The following TAFA4 variants were observed in gnomAD, a reference collection of about 807,000 sequenced individuals.
TAFA4 encodes the protein chemokine-like protein TAFA-4.
In TAFA4, 20 loss-of-function variants were observed where a neutral mutation model predicts 21.1. The ratio of observed to expected loss-of-function variants is 0.95; its 90% CI spans 0.67 to 1.38. The LOEUF is 1.38. Among genes scored for constraint, TAFA4 ranks in the 40% most tolerant of loss-of-function variants. The probability of loss-of-function intolerance (pLI) is 0.00; values close to 1 mark genes in which losing one functional copy is unlikely to be tolerated. For missense variants in TAFA4, 211 were observed against 180.9 expected (o/e 1.17, Z -0.95); for synonymous variants, 71 against 67.4 (o/e 1.05, Z -0.26).
intron 3 of TAFA4, among the ~76,000 whole-genome samples, chr3:68,805,937 C>G (rs1238104976): frequency 2.6e-5 from 4 of 151,674 alleles, no homozygotes; most frequent in African/African-American, 7.3e-5. Context: ...CACATGTACC[C>G]TAAAACTTAA....
chr3:68,737,294 C>G (rs1702261001), intron 5 of TAFA4, among the ~76,000 whole-genome samples: 1 of 152,032 alleles, frequency 6.6e-6, no homozygotes, highest in African/African-American at 2.4e-5. Context: ...GGGAAATTAT[C>G]TTAAGGCAGG....
At chr3:68,866,651 T>TAAAAAAAAAAAAAAAAAAAAAAA (rs59878536) in intron 3 of TAFA4, among the ~76,000 whole-genome samples, 1 of 12,396 alleles carries the variant, frequency 8.1e-5, no homozygotes, top group African/African-American at 4.4e-4. Flanking sequence ...ATAGCAGTTC[T>TAAAAAAAAAAAAAAAAAAAAAAA]AAAAAAAAAA....
At chr3:68,804,750 G>A (rs372543947) in intron 3 of TAFA4, among the ~76,000 whole-genome samples, 7 of 152,232 alleles carry the variant, frequency 4.6e-5, no homozygotes, top group Middle Eastern at 3.4e-3. Context: ...GGCTAGCCAT[G>A]TGTAGAAAGC....
chr3:68,840,378 T>G (rs930313692), intron 3 of TAFA4, among the ~76,000 whole-genome samples: 2 of 151,898 alleles, frequency 1.3e-5, no homozygotes, highest in Non-Finnish European at 2.9e-5. Context: ...CCAACTAATT[T>G]TTGTATTTGT....
chr3:68,866,482 A>G (rs1286962553), intron 3 of TAFA4, among the ~76,000 whole-genome samples: 1 of 151,954 alleles, frequency 6.6e-6, no homozygotes, highest in Non-Finnish European at 1.5e-5. Context: ...GCAAAGACAG[A>G]AATAAATAAT....
At chr3:68,794,473 C>T (rs1703419677) in intron 3 of TAFA4, among the ~76,000 whole-genome samples, 1 of 152,194 alleles carries the variant, frequency 6.6e-6, no homozygotes, top group African/African-American at 2.4e-5. Flanking sequence ...AGGGACAGCT[C>T]TAGCCTTCAG....
chr3:68,902,262 C>CAACT (rs990633875), intron 1 of TAFA4, among the ~76,000 whole-genome samples: 4 of 152,032 alleles, frequency 2.6e-5, no homozygotes, highest in African/African-American at 9.7e-5. Context: ...AACCATCGGG[C>CAACT]AACTCTGTCT....
intron 3 of TAFA4, among the ~76,000 whole-genome samples, chr3:68,797,725 C>A (rs1301278925): frequency 6.6e-6 from 1 of 151,128 alleles, no homozygotes; most frequent in Non-Finnish European, 1.5e-5. Flanking sequence ...AAATACCATA[C>A]GAGGTACCTA....
At chr3:68,784,625 A>G (rs1261192547) in intron 3 of TAFA4, among the ~76,000 whole-genome samples, 1 of 152,202 alleles carries the variant, frequency 6.6e-6, no homozygotes, top group Non-Finnish European at 1.5e-5. Flanking sequence ...GTGTGGACCC[A>G]AAGAGTGAGC....
chr3:68,812,429 C>A (rs983729559), intron 3 of TAFA4, among the ~76,000 whole-genome samples: 1 of 152,030 alleles, frequency 6.6e-6, no homozygotes, highest in Non-Finnish European at 1.5e-5. Context: ...TCAGGAAATC[C>A]ATCTCACACA....
intron 3 of TAFA4, among the ~76,000 whole-genome samples, chr3:68,789,697 T>A (rs540353579): frequency 4.9e-5 from 4 of 82,112 alleles, no homozygotes; most frequent in Admixed American, 2.3e-4. Context: ...GCAAAAAAAA[T>A]TTTCTGATTC....
intron 3 of TAFA4, among the ~76,000 whole-genome samples, chr3:68,768,658 T>C (rs539045080): frequency 3.3e-5 from 5 of 152,276 alleles, no homozygotes; most frequent in African/African-American, 9.6e-5. Flanking sequence ...TTTACTGCAA[T>C]AGCATGAAGA....
intron 1 of TAFA4, among the ~76,000 whole-genome samples, chr3:68,898,700 C>G (rs1055378723): frequency 2.6e-5 from 4 of 152,122 alleles, no homozygotes; most frequent in Non-Finnish European, 4.4e-5. Context: ...AAATATCGGA[C>G]CAATCAAGCA....
intron 1 of TAFA4, among the ~76,000 whole-genome samples, chr3:68,897,943 T>A (rs533142021): frequency 6.6e-6 from 1 of 152,144 alleles, no homozygotes; most frequent in African/African-American, 2.4e-5. Flanking sequence ...ACAGATCACA[T>A]TGGGATTCAT....
At chr3:68,836,847 A>T (rs1307614354) in intron 3 of TAFA4, among the ~76,000 whole-genome samples, 1 of 152,214 alleles carries the variant, frequency 6.6e-6, no homozygotes, top group Non-Finnish European at 1.5e-5. Flanking sequence ...TTGCTCCCAG[A>T]TCTTTAGTTT....
chr3:68,793,289 C>T (rs1031843036), intron 3 of TAFA4, among the ~76,000 whole-genome samples: 1 of 152,104 alleles, frequency 6.6e-6, no homozygotes. Context: ...TTAAATTCCA[C>T]CAAGCAGACT....
chr3:68,882,253 A>G (rs1396952323), intron 2 of TAFA4, among the ~76,000 whole-genome samples: 11 of 152,152 alleles, frequency 7.2e-5, no homozygotes, highest in Admixed American at 7.2e-4. Context: ...TTTTGGGGCC[A>G]CTAATTATGA....
rs1240627866 is a variant in TAFA4 at position 68,926,711 on chromosome 3, GA to G, written c.-123+5528del. ...GCAGATCACCTGAGGTCAGAAGTTT[GA>G]AACTAGCCTGGCCAACGTGGTGAAA... On this transcript the variant is annotated intron_variant, in intron 1 of 5. Transcript: ENST00000295569. Among the ~76,000 whole-genome samples the G allele has an allele frequency of 2.0e-5, 3 of 152,046 alleles. No homozygotes were observed. The East Asian group carries it at 5.8e-4, about 29-fold the overall frequency.
At chr3:68,905,789 G>C (rs2089894442) in intron 1 of TAFA4, among the ~76,000 whole-genome samples, 1 of 152,168 alleles carries the variant, frequency 6.6e-6, no homozygotes, top group Non-Finnish European at 1.5e-5. Context: ...TCATTGGTCA[G>C]GGGGTAAACG....
Sources: allele counts gnomAD v4.1 joint callset (sites outside exome capture counted in the v4.1 genomes callset), GRCh38; gene constraint gnomAD v4.1.1; transcripts MANE v1.5; gene names NCBI Gene and HGNC (gene_info 2026-07-23, HGNC 2026-07-21).